The following RNF130 variants were observed in gnomAD, a reference collection of about 807,000 sequenced individuals.
RNF130 encodes ring finger protein 130, also known as E3 ubiquitin-protein ligase RNF130.
In RNF130, 21 loss-of-function variants were observed where a neutral mutation model predicts 44.6. The observed-to-expected ratio is 0.47, with a 90% CI of 0.33 to 0.68. RNF130 has a LOEUF of 0.68. Ranked by LOEUF, RNF130 falls within the 30% of genes least tolerant of loss-of-function variation. The pLI is 0.02. For synonymous variants in RNF130, 214 were observed against 210.4 expected (o/e 1.02, Z -0.15); for missense variants, 479 against 560.6 (o/e 0.85, Z 1.47).
At chr5:180,002,752 C>CA (rs1040866092) in intron 3 of RNF130, among the ~76,000 whole-genome samples, 18 of 152,260 alleles carry the variant, frequency 1.2e-4, no homozygotes, top group Admixed American at 5.9e-4. Context: ...GTGGCTATCT[C>CA]AAACGTCTGT....
intron 2 of RNF130, among the ~76,000 whole-genome samples, chr5:180,022,427 A>G (rs1428004709): frequency 1.3e-5 from 2 of 152,240 alleles, no homozygotes; most frequent in African/African-American, 2.4e-5. Context: ...CTGTGTACAG[A>G]GCTTTCCTAA....
chr5:180,037,197 C>A (rs920399169), intron 2 of RNF130, among the ~76,000 whole-genome samples: 8 of 152,176 alleles, frequency 5.3e-5, no homozygotes, highest in African/African-American at 1.9e-4. Context: ...TCTGCTGTTA[C>A]AATGCTGTAA....
rs1384688750 is a variant in RNF130 at position 179,977,635 on chromosome 5, CTG to C, written c.848+566_848+567del. ...TGGGAGGCTGAGGCAGGCAGATCAC[CTG>C]AGGTCAGGAGTTCAAGACCAACTGG... On this transcript the variant is annotated intron_variant, in intron 5 of 8. Transcript: ENST00000521389. This position sits in a 1 kb window ranked among gnomAD's most constrained non-coding sequence, Gnocchi z 4.1. 6.6e-6 allele frequency among the ~76,000 whole-genome samples: 1 copy of C among 152,070 alleles called. No individual in the cohort carries two copies. The highest frequency in any genetic ancestry group is 1.5e-5 in the Non-Finnish European group (1 of 68,018).
chr5:179,959,168 A>G (rs1762273237), intron 8 of RNF130, among the ~76,000 whole-genome samples: 1 of 152,160 alleles, frequency 6.6e-6, no homozygotes, highest in Non-Finnish European at 1.5e-5. Flanking sequence ...GCATTCAATA[A>G]ACAGTAGTTA....
exon 8 of RNF130, chr5:179,913,568 G>A (rs1006340934): frequency 6.6e-6 from 1 of 152,238 alleles, no homozygotes; most frequent in Non-Finnish European, 1.5e-5. Context: ...CAGCCAAGGC[G>A]GGTGGCACCT....
chr5:179,980,326 G>C, intron 3 of RNF130, 126 bp from the exon 4 acceptor site: 1 of 783,740 alleles, frequency 1.3e-6, no homozygotes, highest in Non-Finnish European at 2.0e-6. Context: ...CTACATATAA[G>C]AGAATGATAA....
chr5:179,940,035 T>C, intron 7 of RNF130: 1 of 225,404 alleles, frequency 4.4e-6, no homozygotes, highest in Non-Finnish European at 8.7e-6. Flanking sequence ...TCTTCTTTAG[T>C]CTCAGGACTT....
chr5:180,048,676 G>C (rs1561707019), intron 1 of RNF130, among the ~76,000 whole-genome samples: 1 of 152,058 alleles, frequency 6.6e-6, no homozygotes, highest in African/African-American at 2.4e-5. Context: ...CTCAGAACAG[G>C]GCTGTATTTT....
intron 2 of RNF130, among the ~76,000 whole-genome samples, chr5:180,024,004 T>C (rs1763932010): frequency 6.6e-6 from 1 of 152,216 alleles, no homozygotes; most frequent in Non-Finnish European, 1.5e-5. Context: ...TGCATGCTAA[T>C]GGTACTTTAC....
intron 1 of RNF130, among the ~76,000 whole-genome samples, chr5:180,051,533 C>A (rs897967602): frequency 7.9e-5 from 12 of 152,092 alleles, no homozygotes; most frequent in Admixed American, 7.2e-4. Flanking sequence ...CACCGCGCCC[C>A]GGCCTTTGTA....
intron 1 of RNF130, among the ~76,000 whole-genome samples, chr5:180,045,462 A>G (rs890420358): frequency 4.6e-5 from 7 of 152,228 alleles, no homozygotes; most frequent in Non-Finnish European, 8.8e-5. Context: ...GGACCCAAAC[A>G]GTGAGCAGCA....
intron 7 of RNF130, among the ~76,000 whole-genome samples, chr5:179,934,540 CTTTT>C (rs140004601): frequency 5.5e-5 from 7 of 126,404 alleles, no homozygotes; most frequent in Admixed American, 8.6e-5. Context: ...CTTTTCTTTC[CTTTT>C]TTTTTTTTTT....
At chr5:179,966,636 CATAA>C (rs1762455045) in intron 7 of RNF130, among the ~76,000 whole-genome samples, 166 bp downstream of exon 7, 1 of 152,230 alleles carries the variant, frequency 6.6e-6, no homozygotes, top group Admixed American at 6.5e-5. Context: ...AGCTACTTAT[CATAA>C]ATAAAGTTTC....
At chr5:180,017,373 T>C (rs1763765415) in intron 2 of RNF130, among the ~76,000 whole-genome samples, 1 of 152,194 alleles carries the variant, frequency 6.6e-6, no homozygotes, top group Non-Finnish European at 1.5e-5. Context: ...CCAGGTTTCC[T>C]CACTGTAAAT....
chr5:179,971,553 T>A (rs947686135), intron 5 of RNF130, among the ~76,000 whole-genome samples: 9 of 152,144 alleles, frequency 5.9e-5, no homozygotes, highest in African/African-American at 2.2e-4. Flanking sequence ...GTATTTTTAG[T>A]AGAGACGGGG....
At chr5:180,054,825 A>G (rs924413839) in intron 1 of RNF130, among the ~76,000 whole-genome samples, 2 of 151,782 alleles carry the variant, frequency 1.3e-5, no homozygotes, top group Admixed American at 1.3e-4. Flanking sequence ...ATGAACATGA[A>G]AAGTCTGTTT....
chr5:180,040,434 A>G lies in RNF130; in HGVS notation c.442+19T>C. On this transcript the variant is annotated intron_variant, in intron 2 of 8. Coordinates refer to ENST00000521389, the MANE Select transcript of RNF130 (RefSeq NM_018434.6). ...TTCTAAGAAGAAAAACAAAATCAAC[A>G]ACCCTCATTTTTGTTTACCTGGATG... is the stretch of plus-strand genomic sequence containing the variant. 1 of 1,600,310 alleles carries G rather than the reference A, an allele frequency of 6.2e-7. No individual in the cohort carries two copies. The highest frequency in any genetic ancestry group is 8.5e-7 in the Non-Finnish European group (1 of 1,171,260).
chr5:179,914,421 T>A (rs1761511648), exon 8 of RNF130: 1 of 152,248 alleles, frequency 6.6e-6, no homozygotes, highest in Admixed American at 6.5e-5. Context: ...CTCAATTGCT[T>A]TTCTAAATCC....
At chr5:179,924,494 GAA>G (rs35214110) in intron 7 of RNF130, among the ~76,000 whole-genome samples, 1 of 131,988 alleles carries the variant, frequency 7.6e-6, no homozygotes, top group African/African-American at 2.7e-5. Flanking sequence ...AACTCTGTCT[GAA>G]AAAAAAAAAA....
Sources: gnomAD v4.1 joint callset for allele counts (sites outside exome capture counted in the v4.1 genomes callset) on GRCh38, gnomAD v4.1.1 for gene constraint, Gnocchi (gnomAD v3.1) non-coding constraint, MANE v1.5 for transcripts, NCBI Gene and HGNC (gene_info 2026-07-23, HGNC 2026-07-21) for gene names.